AKR1C8: variants seen among roughly 807,000 people sequenced by gnomAD.
The protein encoded by AKR1C8 is aldo-keto reductase family 1 member C-like protein 1.
the AKR1C8 span, among the ~76,000 whole-genome samples, chr10:5,169,978 G>C: frequency 6.6e-6 from 1 of 151,998 alleles, no homozygotes; most frequent in African/African-American, 2.4e-5. Flanking sequence ...TAGCTTTCCA[G>C]GTTTTGACTC....
the AKR1C8 span, among the ~76,000 whole-genome samples, chr10:5,152,985 G>A: frequency 6.2e-4 from 94 of 152,082 alleles, no homozygotes; most frequent in Middle Eastern, 3.4e-3. Flanking sequence ...AAAAAAGTTT[G>A]GAATGGAGGG....
chr10:5,132,462 AGTTTT>A, the AKR1C8 span: 1 of 722,718 alleles, frequency 1.4e-6, no homozygotes, highest in East Asian at 3.6e-5. Flanking sequence ...CTTTTATTTT[AGTTTT>A]AATACATGAA....
At chr10:5,161,797 A>AT in the AKR1C8 span, 2 of 534,682 alleles carry the variant, frequency 3.7e-6, no homozygotes, top group Non-Finnish European at 7.7e-6. Flanking sequence ...TAGATAATTC[A>AT]GATGCTTATA....
At chr10:5,181,915 TA>T in the AKR1C8 span, among the ~76,000 whole-genome samples, 5 of 151,976 alleles carry the variant, frequency 3.3e-5, no homozygotes, top group African/African-American at 1.2e-4. Flanking sequence ...AAGTTTCTAA[TA>T]AAAAAACATG....
At chr10:5,159,155 A>G in the AKR1C8 span, among the ~76,000 whole-genome samples, 1 of 152,160 alleles carries the variant, frequency 6.6e-6, no homozygotes, top group African/African-American at 2.4e-5. Flanking sequence ...TGGTCAAAAT[A>G]TGGAAACTTG....
At chr10:5,150,722 T>G in the AKR1C8 span, among the ~76,000 whole-genome samples, 1 of 152,062 alleles carries the variant, frequency 6.6e-6, no homozygotes, top group South Asian at 2.1e-4. Context: ...AAGTCATTCA[T>G]TTAGCCACAT....
chr10:5,125,109 G>A, the AKR1C8 span, among the ~76,000 whole-genome samples: 2 of 151,536 alleles, frequency 1.3e-5, no homozygotes, highest in Non-Finnish European at 2.9e-5. Context: ...TCTCATTGTT[G>A]TATAATTTTC....
At chr10:5,163,859 A>T in the AKR1C8 span, among the ~76,000 whole-genome samples, 2 of 149,886 alleles carry the variant, frequency 1.3e-5, no homozygotes, top group Non-Finnish European at 2.9e-5. Context: ...CCAACATAAA[A>T]ACGCCTTTGT....
the AKR1C8 span, among the ~76,000 whole-genome samples, chr10:5,169,042 G>T: frequency 3.9e-5 from 6 of 152,036 alleles, no homozygotes; most frequent in African/African-American, 1.4e-4. Flanking sequence ...AAAGACAAAT[G>T]TATTACTCAG....
chr10:5,137,902 A>G, the AKR1C8 span, among the ~76,000 whole-genome samples: 3 of 152,158 alleles, frequency 2.0e-5, no homozygotes, highest in Non-Finnish European at 2.9e-5. Context: ...AATAGGTACA[A>G]AGATCACATG....
At chr10:5,181,165 C>T in the AKR1C8 span, among the ~76,000 whole-genome samples, 1 of 152,140 alleles carries the variant, frequency 6.6e-6, no homozygotes, top group African/African-American at 2.4e-5. Context: ...AGCTAATCTA[C>T]TTTAACAATA....
At chr10:5,155,089 A>G in the AKR1C8 span, 1 of 152,184 alleles carries the variant, frequency 6.6e-6, no homozygotes, top group African/African-American at 2.4e-5. Flanking sequence ...TGTGGTAGGT[A>G]AAGAGGGCCA....
the AKR1C8 span, among the ~76,000 whole-genome samples, chr10:5,143,988 A>G: frequency 3.3e-5 from 5 of 152,098 alleles, no homozygotes; most frequent in South Asian, 4.1e-4. Context: ...AACTATCCAC[A>G]TTACCATATT....
chr10:5,131,521 G>T, the AKR1C8 span, among the ~76,000 whole-genome samples: 8 of 152,086 alleles, frequency 5.3e-5, no homozygotes, highest in South Asian at 2.1e-4. Context: ...GTGGGCAAAT[G>T]ACACGAATAG....
At chr10:5,131,092 T>C in the AKR1C8 span, among the ~76,000 whole-genome samples, 1 of 152,050 alleles carries the variant, frequency 6.6e-6, no homozygotes, top group East Asian at 1.9e-4. Context: ...GAAAAGACTC[T>C]ATTCAATAAA....
chr10:5,162,562 G>A, the AKR1C8 span, among the ~76,000 whole-genome samples: 1 of 152,250 alleles, frequency 6.6e-6, no homozygotes, highest in East Asian at 1.9e-4. Context: ...AGCTCTTACT[G>A]AAGAACTGAA....
the AKR1C8 span, among the ~76,000 whole-genome samples, chr10:5,120,112 G>A: frequency 6.6e-6 from 1 of 152,142 alleles, no homozygotes; most frequent in East Asian, 1.9e-4. Context: ...AACCACTTAA[G>A]GCAATCTTAA....
the AKR1C8 span, among the ~76,000 whole-genome samples, chr10:5,124,357 C>G: frequency 1.3e-5 from 2 of 152,096 alleles, no homozygotes; most frequent in Admixed American, 1.3e-4. Flanking sequence ...TTTGCCTCCA[C>G]TGATGGTGAT....
the AKR1C8 span, among the ~76,000 whole-genome samples, chr10:5,148,085 C>T: frequency 6.6e-6 from 1 of 152,106 alleles, no homozygotes; most frequent in Non-Finnish European, 1.5e-5. Context: ...AGGTGTGAGG[C>T]CTCTGGCTTC....
Sources: gnomAD v4.1 joint callset for allele counts (sites outside exome capture counted in the v4.1 genomes callset) on GRCh38, gnomAD v4.1.1 for gene constraint, MANE v1.5 for transcripts, NCBI Gene and HGNC (gene_info 2026-07-23, HGNC 2026-07-21) for gene names.